MTOR: variants seen among roughly 807,000 people sequenced by gnomAD.
MTOR encodes serine/threonine-protein kinase mTOR.
In MTOR, 70 loss-of-function variants were observed where a neutral mutation model predicts 319.8. The ratio of observed to expected loss-of-function variants is 0.22; its 90% CI spans 0.18 to 0.27. The LOEUF is 0.27. MTOR is among the 10% of genes least tolerant of loss of function. The probability of loss-of-function intolerance (pLI) is 1.00; values close to 1 mark genes in which losing one functional copy is unlikely to be tolerated. For synonymous variants in MTOR, 1,183 were observed against 1,211.4 expected (o/e 0.98, Z 0.49); for missense variants, 1,890 against 3,274.4 (o/e 0.58, Z 10.32).
Position 11,261,807 on chromosome 1 carries a change from T to C in MTOR, c.-15+638A>G, listed in dbSNP as rs3765904. Among the ~76,000 whole-genome samples, 61 of 152,162 alleles carry C rather than the reference T, an allele frequency of 4.0e-4. 2 individuals carry two copies. The East Asian group carries it at 0.012, about 29-fold the overall frequency. On this transcript the variant is annotated intron_variant, in intron 1 of 57. Coordinates refer to ENST00000361445, the MANE Select transcript of MTOR (RefSeq NM_004958.4). ...TGTGTGCGTCCGAAAGGGGGGAAGGTGGCTGGCAAGGGATTTCTATTCTCA... is the reference window on the plus strand; with the variant it reads ...TGTGTGCGTCCGAAAGGGGGGAAGGCGGCTGGCAAGGGATTTCTATTCTCA...
chr1:11,167,374 G>T, intron 29 of MTOR, 68 bp downstream of exon 29: 2 of 1,240,802 alleles, frequency 1.6e-6, no homozygotes, highest in East Asian at 2.3e-5. Context: ...ACTTTCTGAA[G>T]GTCAGGGCCA....
intron 28 of MTOR, chr1:11,195,282 C>A: frequency 2.5e-6 from 1 of 393,134 alleles, no homozygotes; most frequent in Non-Finnish European, 4.5e-6. Flanking sequence ...GTCTCTCTGC[C>A]CAAGATCCCT....
intron 26 of MTOR, among the ~76,000 whole-genome samples, chr1:11,202,420 C>CAAAAA (rs35136193): frequency 1.1e-4 from 8 of 72,114 alleles, no homozygotes; most frequent in East Asian, 4.3e-4. Flanking sequence ...AACTCCGTCT[C>CAAAAA]AAAAAAAAAA....
chr1:11,186,075 T>A (rs1458083460), intron 28 of MTOR, among the ~76,000 whole-genome samples: 1 of 97,730 alleles, frequency 1.0e-5, no homozygotes. Context: ...AGAGCAAGAC[T>A]CCGTCTCAAA....
At chr1:11,169,295 A>G (rs1296885356) in intron 28 of MTOR, among the ~76,000 whole-genome samples, 1 of 152,166 alleles carries the variant, frequency 6.6e-6, no homozygotes, top group Non-Finnish European at 1.5e-5. Context: ...CTTTGACCCC[A>G]TGCATCCCTA....
intron 32 of MTOR, among the ~76,000 whole-genome samples, chr1:11,146,398 TACA>T (rs1288020868): frequency 1.3e-5 from 2 of 152,156 alleles, no homozygotes; most frequent in Non-Finnish European, 2.9e-5. Context: ...AGCTTCTCTC[TACA>T]ACAAGGGATA....
At chr1:11,235,061 A>ATT (rs1304607153) in intron 13 of MTOR, among the ~76,000 whole-genome samples, 1 of 152,142 alleles carries the variant, frequency 6.6e-6, no homozygotes, top group Non-Finnish European at 1.5e-5. Flanking sequence ...TAATAACCCG[A>ATT]TTTTTCTGGA....
At chr1:11,247,206 G>A (rs1417748595) in intron 8 of MTOR, among the ~76,000 whole-genome samples, 3 of 152,172 alleles carry the variant, frequency 2.0e-5, no homozygotes, top group East Asian at 1.9e-4. Flanking sequence ...GCAGCTTCAG[G>A]AGCCAAGGAT....
At chr1:11,231,134 G>T in intron 17 of MTOR, 80 bp from the exon 18 acceptor site, 1 of 1,605,992 alleles carries the variant, frequency 6.2e-7, no homozygotes, top group Non-Finnish European at 8.5e-7. Flanking sequence ...CTCCTCTCAG[G>T]TTACATAATC....
Position 11,180,429 on chromosome 1 carries a change from C to A in MTOR, c.4254-12912G>T, listed in dbSNP as rs540847475. Among the ~76,000 whole-genome samples, 48 of 152,286 alleles carry A rather than the reference C, an allele frequency of 3.2e-4. No homozygotes were observed. In the South Asian group the frequency reaches 7.9e-3, roughly 25 times the overall value. On this transcript the variant is annotated intron_variant, in intron 28 of 57. Coordinates refer to ENST00000361445, the MANE Select transcript of MTOR (RefSeq NM_004958.4). ...TTTTGTTTGCCCATTTAGCCCCTTG[C>A]CTGCAGACTGTAAAACCCAGTCACC...
chr1:11,259,998 C>T (rs765301391), intron 1 of MTOR, among the ~76,000 whole-genome samples: 2 of 152,172 alleles, frequency 1.3e-5, no homozygotes, highest in East Asian at 3.8e-4. Flanking sequence ...ATAATAGTAC[C>T]TAGTTCATGG....
chr1:11,195,133 C>T (rs1645736314), intron 28 of MTOR: 2 of 1,147,716 alleles, frequency 1.7e-6, no homozygotes, highest in African/African-American at 3.1e-5. Flanking sequence ...GAGAAACAGC[C>T]TATAATCTCC....
intron 26 of MTOR, among the ~76,000 whole-genome samples, chr1:11,201,856 G>C (rs1475667798): frequency 6.6e-6 from 1 of 152,122 alleles, no homozygotes; most frequent in Non-Finnish European, 1.5e-5. Context: ...ATCTAGGCTG[G>C]AATGCAGGGG....
At chr1:11,145,397 GAC>G (rs1403984642) in intron 32 of MTOR, 8 of 256,590 alleles carry the variant, frequency 3.1e-5, no homozygotes, top group Non-Finnish European at 5.3e-5. Context: ...TTTCTTCTGA[GAC>G]ACAGTCTCAC....
At chr1:11,259,939 T>G (rs977203765) in intron 1 of MTOR, among the ~76,000 whole-genome samples, 3 of 152,176 alleles carry the variant, frequency 2.0e-5, no homozygotes, top group Admixed American at 1.3e-4. Context: ...CAAGGTTATA[T>G]ACCTCAAGAA....
Position 11,134,341 on chromosome 1 carries a change from G to C in MTOR, c.5246+10C>G. On this transcript the variant is annotated intron_variant, in intron 37 of 57. Transcript: ENST00000361445. ...GAATATGACTTGCCCCAGGTCAGTG[G>C]GGACCTCACCGGGCCATGAGCTTGT... The C allele has an allele frequency of 6.2e-7, 1 of 1,612,250 alleles. No individual in the cohort carries two copies. The highest frequency in any genetic ancestry group is 8.5e-7 in the Non-Finnish European group (1 of 1,178,706).
At chr1:11,161,692 A>C (rs180993829) in intron 29 of MTOR, among the ~76,000 whole-genome samples, 1 of 152,336 alleles carries the variant, frequency 6.6e-6, no homozygotes, top group African/African-American at 2.4e-5. Flanking sequence ...GTGGACCTCC[A>C]GCAAACTCCA....
intron 28 of MTOR, among the ~76,000 whole-genome samples, chr1:11,187,911 GGCAAAGGAGGCTGGGT>G (rs1645375048): frequency 6.6e-6 from 1 of 152,150 alleles, no homozygotes; most frequent in South Asian, 2.1e-4. Context: ...CCCTTTAGCA[GGCAAAGGAGGCTGGGT>G]ATGTGAGAAA....
chr1:11,118,446 A>G (rs1001452969), intron 49 of MTOR, among the ~76,000 whole-genome samples: 1 of 151,636 alleles, frequency 6.6e-6, no homozygotes, highest in Admixed American at 6.6e-5. Flanking sequence ...CACGTTGGTC[A>G]GGCTGGTCTT....
Sources: gnomAD v4.1 joint callset for allele counts (sites outside exome capture counted in the v4.1 genomes callset) on GRCh38, gnomAD v4.1.1 for gene constraint, MANE v1.5 for transcripts, NCBI Gene and HGNC (gene_info 2026-07-23, HGNC 2026-07-21) for gene names.